Variants in MSN observed in about 807,000 individuals in gnomAD.
The protein encoded by MSN is moesin, also known as epididymis luminal protein 70.
A neutral mutation model predicts 48.0 loss-of-function variants in MSN; 2 were observed. The ratio of observed to expected loss-of-function variants is 0.04; its 90% CI spans 0.02 to 0.13. The LOEUF is 0.13. MSN is among the 10% of genes least tolerant of loss of function. The pLI is 1.00. For missense variants in MSN, 267 were observed against 470.1 expected (o/e 0.57, Z 3.99); for synonymous variants, 146 against 166.9 (o/e 0.87, Z 0.97).
intron 1 of MSN, among the ~76,000 whole-genome samples, chrX:65,641,941 C>T (rs1054922449): frequency 5.6e-5 from 6 of 108,106 alleles, no homozygotes; most frequent in African/African-American, 1.7e-4. Context: ...TCGAGACCAG[C>T]GTGACCAACA....
chrX:65,681,920 AT>A (rs911157981), intron 1 of MSN, among the ~76,000 whole-genome samples: 3 of 107,571 alleles, frequency 2.8e-5, no homozygotes, highest in South Asian at 3.9e-4. Context: ...CCAGTTTTTT[AT>A]TTTTTTTTTA....
At chrX:65,635,370 T>C (rs1365656754) in intron 1 of MSN, among the ~76,000 whole-genome samples, 2 of 111,544 alleles carry the variant, frequency 1.8e-5, no homozygotes, top group Admixed American at 9.6e-5. Context: ...GGGTAAGCTG[T>C]TATATCCTGG....
chrX:65,617,168 C>CT (rs1052650471), intron 1 of MSN, among the ~76,000 whole-genome samples: 2 of 105,117 alleles, frequency 1.9e-5, no homozygotes, highest in African/African-American at 8.0e-5. Context: ...CTAAAATTCT[C>CT]TTTTTTTGTT....
At position 65,734,483 on chromosome X, in the gene MSN, TA is replaced by T. The variant is rs2071655178; in HGVS notation, c.796-783del. On this transcript the variant is annotated intron_variant, in intron 7 of 12. Coordinates refer to ENST00000360270, the MANE Select transcript of MSN (RefSeq NM_002444.3). ...AGCTAAAAATGGTAGAGCTGGGATT[TA>T]TACCTGCACCCCAAGCTATATGAGA... is the stretch of plus-strand genomic sequence containing the variant. Among the ~76,000 whole-genome samples the T allele has an allele frequency of 2.7e-5, 3 of 111,820 alleles. No individual in the cohort carries two copies. In the South Asian group the frequency reaches 1.1e-3, roughly 42 times the overall value.
intron 8 of MSN, 29 bp from the exon 9 acceptor site, chrX:65,736,766 T>C: frequency 1.7e-6 from 2 of 1,162,784 alleles, no homozygotes; most frequent in Non-Finnish European, 2.3e-6. Flanking sequence ...GTTGTTATCC[T>C]GTTCTATCCA....
At chrX:65,729,799 A>T (rs1191032639) in intron 4 of MSN, 87 bp downstream of exon 4, 58 of 996,395 alleles carry the variant, frequency 5.8e-5, no homozygotes, top group Non-Finnish European at 6.5e-5. Context: ...GGGATGCCAG[A>T]TCTGTTCTTC....
intron 1 of MSN, among the ~76,000 whole-genome samples, chrX:65,675,702 A>G (rs1334205308): frequency 9.0e-6 from 1 of 110,717 alleles, no homozygotes; most frequent in African/African-American, 3.3e-5. Context: ...CAATGGTGCA[A>G]TCTTGGCTCA....
intron 2 of MSN, among the ~76,000 whole-genome samples, chrX:65,726,368 T>G (rs1041752949): frequency 8.9e-6 from 1 of 111,918 alleles, no homozygotes; most frequent in Admixed American, 9.5e-5. Context: ...TAATTTTAGA[T>G]GCATTACCTC....
chrX:65,708,066 T>C (rs1269022151), intron 1 of MSN, among the ~76,000 whole-genome samples: 1 of 110,823 alleles, frequency 9.0e-6, no homozygotes, highest in Admixed American at 9.6e-5. Flanking sequence ...CCCAGGATGA[T>C]CTCTAGCTTC....
exon 1 of MSN, chrX:65,588,418 C>A: frequency 3.2e-6 from 1 of 312,104 alleles, no homozygotes; most frequent in South Asian, 1.7e-4. Flanking sequence ...CCCGGAAAAC[C>A]TTAGCTCTTG....
At chrX:65,715,905 G>C (rs2071459873) in intron 1 of MSN, among the ~76,000 whole-genome samples, 1 of 111,828 alleles carries the variant, frequency 8.9e-6, no homozygotes, top group African/African-American at 3.3e-5. Context: ...TCTTGTGTCG[G>C]TTTTAAAAGG....
At chrX:65,591,047 C>T (rs2070142930) in intron 1 of MSN, among the ~76,000 whole-genome samples, 1 of 111,233 alleles carries the variant, frequency 9.0e-6, no homozygotes, top group Non-Finnish European at 1.9e-5. Context: ...TATGGCAACT[C>T]TATCTTAGCC....
intron 1 of MSN, among the ~76,000 whole-genome samples, chrX:65,608,731 A>G (rs998800270): frequency 3.6e-5 from 4 of 111,277 alleles, no homozygotes; most frequent in African/African-American, 1.3e-4. Flanking sequence ...GGAATGGTCT[A>G]AGTGTACCAG....
chrX:65,737,064 G>GT, intron 9 of MSN, 114 bp from the exon 10 acceptor site: 1 of 1,123,144 alleles, frequency 8.9e-7, no homozygotes, highest in Non-Finnish European at 1.2e-6. Context: ...CAAGAAGAGA[G>GT]CTCAGAACTT....
At chrX:65,612,868 G>T (rs1262187757) in intron 1 of MSN, among the ~76,000 whole-genome samples, 11 of 97,276 alleles carry the variant, frequency 1.1e-4, no homozygotes, top group African/African-American at 5.7e-4. Flanking sequence ...TTTTTTTTGG[G>T]GGGGGGTACG....
At chrX:65,624,874 A>AAAGGAAGG (rs770933336) in intron 1 of MSN, 1 of 110,440 alleles carries the variant, frequency 9.1e-6, no homozygotes, top group African/African-American at 3.3e-5. Context: ...AGGAAGGAAG[A>AAAGGAAGG]AAGGAAGGAA....
intron 1 of MSN, among the ~76,000 whole-genome samples, chrX:65,620,994 C>A (rs1002859443): frequency 9.4e-6 from 1 of 106,601 alleles, no homozygotes; most frequent in Non-Finnish European, 1.9e-5. Context: ...GGTGTGATCT[C>A]GGCTCACGGC....
chrX:65,650,509 T>C (rs1383734911), intron 1 of MSN, among the ~76,000 whole-genome samples: 1 of 112,330 alleles, frequency 8.9e-6, no homozygotes, highest in East Asian at 2.8e-4. Flanking sequence ...TTGGATGAAA[T>C]GGCACCCCAC....
intron 1 of MSN, among the ~76,000 whole-genome samples, chrX:65,637,177 C>T (rs1318606704): frequency 5.5e-5 from 6 of 109,538 alleles, no homozygotes; most frequent in Admixed American, 9.7e-5. Flanking sequence ...CCAAGGCAGG[C>T]GGATCACCTG....
Sources: allele counts gnomAD v4.1 joint callset (sites outside exome capture counted in the v4.1 genomes callset), GRCh38; gene constraint gnomAD v4.1.1; transcripts MANE v1.5; gene names NCBI Gene and HGNC (gene_info 2026-07-23, HGNC 2026-07-21).